Variants in CHRM3 observed in about 807,000 individuals in gnomAD.
CHRM3 encodes the protein muscarinic acetylcholine receptor M3.
In CHRM3, 11 loss-of-function variants were observed where a neutral mutation model predicts 41.8. The observed-to-expected ratio is 0.26, with a 90% confidence interval of 0.17 to 0.44. The LOEUF is 0.44. CHRM3 is among the 20% of genes least tolerant of loss of function. CHRM3 has a pLI of 1.00. For missense variants in CHRM3, 571 were observed against 745.4 expected (o/e 0.77, Z 2.72); for synonymous variants, 297 against 301.4 (o/e 0.99, Z 0.15).
At chr1:239,389,201 G>A (rs1658806143) in intron 1 of CHRM3, among the ~76,000 whole-genome samples, 1 of 152,134 alleles carries the variant, frequency 6.6e-6, no homozygotes, top group Non-Finnish European at 1.5e-5. Context: ...AATGTAATTT[G>A]GGAAAAGGAG....
intron 5 of CHRM3, among the ~76,000 whole-genome samples, chr1:239,682,682 A>T (rs1352884481): frequency 6.6e-6 from 1 of 152,034 alleles, no homozygotes; most frequent in Non-Finnish European, 1.5e-5. Flanking sequence ...TCTGTTTATT[A>T]TATGGCAGAT....
intron 6 of CHRM3, among the ~76,000 whole-genome samples, chr1:239,831,031 A>G (rs1252510257): frequency 6.6e-6 from 1 of 152,008 alleles, no homozygotes; most frequent in Non-Finnish European, 1.5e-5. Context: ...TTTTAAAAGT[A>G]CATTTAAGAA....
chr1:239,573,299 G>GA (rs1253244094), intron 3 of CHRM3, among the ~76,000 whole-genome samples: 1 of 152,100 alleles, frequency 6.6e-6, no homozygotes, highest in East Asian at 1.9e-4. Context: ...TCTGCGTGAA[G>GA]AAAATCAAAG....
rs550608336 is a variant in CHRM3, at chr1:239,692,725, C to T, written c.-147+14437C>T. On this transcript the variant is annotated intron_variant, in intron 5 of 6. Transcript: ENST00000676153. ...GCTACTTGAGAGAAGATGCTGATAC[C>T]GTTTGTTCTTCCTGTAAGGAAAAAA... 1.2e-4 allele frequency among the ~76,000 whole-genome samples: 18 copies of T among 152,268 alleles called. No individual in the cohort carries two copies. The East Asian group carries it at 2.9e-3, about 25-fold the overall frequency.
intron 4 of CHRM3, among the ~76,000 whole-genome samples, chr1:239,666,720 G>C (rs1228622252): frequency 6.6e-6 from 1 of 152,018 alleles, no homozygotes. Flanking sequence ...TATCAGGTTT[G>C]TTACCTGGTT....
At chr1:239,444,615 G>A (rs992653625) in intron 1 of CHRM3, among the ~76,000 whole-genome samples, 3 of 152,056 alleles carry the variant, frequency 2.0e-5, no homozygotes, top group African/African-American at 7.2e-5. Context: ...CTGGGGAGGG[G>A]AATGTGGAAA....
chr1:239,798,606 C>T (rs1481059911), intron 5 of CHRM3, among the ~76,000 whole-genome samples: 1 of 152,166 alleles, frequency 6.6e-6, no homozygotes, highest in Admixed American at 6.5e-5. Flanking sequence ...GTAGAAAAGT[C>T]ACTCTGCACA....
intron 3 of CHRM3, among the ~76,000 whole-genome samples, chr1:239,561,210 A>G (rs1239943170): frequency 6.6e-5 from 10 of 152,234 alleles, no homozygotes. Flanking sequence ...CAAGAAATTC[A>G]GTTAATGTCA....
intron 5 of CHRM3, among the ~76,000 whole-genome samples, chr1:239,750,541 G>A (rs1202377364): frequency 2.6e-5 from 4 of 152,076 alleles, no homozygotes; most frequent in Non-Finnish European, 5.9e-5. Context: ...TTTGAAGTTT[G>A]GCCTACAGGT....
intron 1 of CHRM3, among the ~76,000 whole-genome samples, chr1:239,417,579 G>GTTTTTTTTTTTTTTTTTTTTTT (rs34926014): frequency 8.2e-6 from 1 of 122,666 alleles, no homozygotes; most frequent in African/African-American, 3.0e-5. Context: ...AGATTAATTT[G>GTTTTTTTTTTTTTTTTTTTTTT]TTTTTTTTTT....
In CHRM3 at chr1:239,840,033, G is replaced by A. The variant is rs527794153; in HGVS notation, c.-20+12655G>A. ...ATTTTTCATTTAAATGATAATGCAC[G>A]CATACACTTTTACTCTAGAAACTGT... is the stretch of plus-strand genomic sequence containing the variant. On this transcript the variant is annotated intron_variant, in intron 6 of 6. Coordinates refer to ENST00000676153, the MANE Select transcript of CHRM3 (RefSeq NM_001375978.1). Among the ~76,000 whole-genome samples the A allele has an allele frequency of 1.1e-4, 16 of 152,116 alleles. 1 individual carries two copies. In the Middle Eastern group the frequency reaches 0.01, roughly 97 times the overall value.
chr1:239,811,862 A>T (rs115723572), intron 5 of CHRM3, among the ~76,000 whole-genome samples: 2,281 of 152,292 alleles, frequency 0.015, 73 homozygotes, highest in African/African-American at 0.051. Flanking sequence ...AAAAAAAAAT[A>T]GACAATTTGT....
intron 1 of CHRM3, among the ~76,000 whole-genome samples, chr1:239,422,416 G>T (rs868340453): frequency 3.9e-5 from 6 of 152,118 alleles, no homozygotes; most frequent in Non-Finnish European, 7.4e-5. Flanking sequence ...TGTTTCCTCA[G>T]AACAAACATT....
intron 6 of CHRM3, among the ~76,000 whole-genome samples, chr1:239,862,575 C>T (rs1440907133): frequency 6.6e-6 from 1 of 152,086 alleles, no homozygotes; most frequent in Non-Finnish European, 1.5e-5. Flanking sequence ...TCAAGATTTT[C>T]AGGTAGAGTG....
chr1:239,422,477 T>G (rs1182726013), intron 1 of CHRM3, among the ~76,000 whole-genome samples: 2 of 152,160 alleles, frequency 1.3e-5, no homozygotes, highest in Non-Finnish European at 1.5e-5. Context: ...ATTTTCATGT[T>G]TAAAAGACAA....
At chr1:239,837,378 G>C (rs372191999) in intron 6 of CHRM3, among the ~76,000 whole-genome samples, 1 of 152,124 alleles carries the variant, frequency 6.6e-6, no homozygotes, top group Non-Finnish European at 1.5e-5. Flanking sequence ...CTTGTCTCCA[G>C]ATCTTTTTGT....
At chr1:239,573,363 G>A (rs774944645) in intron 3 of CHRM3, among the ~76,000 whole-genome samples, 7 of 152,068 alleles carry the variant, frequency 4.6e-5, no homozygotes, top group African/African-American at 9.7e-5. Context: ...AAAGTTTATC[G>A]GTAGAAAGTT....
At chr1:239,479,246 A>G (rs140804899) in intron 1 of CHRM3, among the ~76,000 whole-genome samples, 4 of 151,970 alleles carry the variant, frequency 2.6e-5, no homozygotes, top group African/African-American at 7.3e-5. Flanking sequence ...ACAGAGAGAC[A>G]GCAATCTACA....
At chr1:239,854,050 G>A (rs71644990) in intron 6 of CHRM3, among the ~76,000 whole-genome samples, 43,062 of 151,834 alleles carry the variant, frequency 0.28, 7,161 homozygotes, top group Admixed American at 0.4. Flanking sequence ...CTTTTATGGA[G>A]GATACATGTG....
Sources: allele counts gnomAD v4.1 joint callset (sites outside exome capture counted in the v4.1 genomes callset), GRCh38; gene constraint gnomAD v4.1.1; transcripts MANE v1.5; gene names NCBI Gene and HGNC (gene_info 2026-07-23, HGNC 2026-07-21).